CRACD: variants seen among roughly 807,000 people sequenced by gnomAD.
CRACD encodes the protein capping protein-inhibiting regulator of actin dynamics.
A neutral mutation model predicts 106.8 loss-of-function variants in CRACD; 56 were observed. That is an observed-to-expected ratio of 0.52 (90% CI 0.42 to 0.66). The LOEUF is 0.66. Among genes scored for constraint, CRACD ranks in the 30% least tolerant of loss-of-function variants. The pLI, the probability that CRACD is intolerant of heterozygous loss-of-function variation, is 0.00. For missense variants in CRACD, 1,730 were observed against 1,623.2 expected, an observed-to-expected ratio of 1.07 and a Z score of -1.13; for synonymous variants, 754 against 670.8, an observed-to-expected ratio of 1.12 and a Z score of -1.92.
chr4:56,244,452 C>T (rs188332827), intron 2 of CRACD, among the ~76,000 whole-genome samples: 103 of 152,230 alleles, frequency 6.8e-4, no homozygotes, highest in African/African-American at 1.8e-3. Flanking sequence ...GAGGTACCTA[C>T]GGACATCCAA....
intron 1 of CRACD, among the ~76,000 whole-genome samples, chr4:56,078,721 A>T (rs764124099): frequency 6.6e-6 from 1 of 152,166 alleles, no homozygotes; most frequent in East Asian, 1.9e-4. Flanking sequence ...GGGCACCTTT[A>T]TTCATAAACA....
At chr4:56,320,068 A>C (rs1005010283) in intron 8 of CRACD, among the ~76,000 whole-genome samples, 2 of 150,960 alleles carry the variant, frequency 1.3e-5, no homozygotes, top group Non-Finnish European at 3.0e-5. Flanking sequence ...AGCTACTCAG[A>C]GGCTGAGGCA....
intron 1 of CRACD, among the ~76,000 whole-genome samples, chr4:56,135,030 TC>T (rs1476909578): frequency 2.0e-5 from 3 of 152,082 alleles, no homozygotes; most frequent in Non-Finnish European, 4.4e-5. Flanking sequence ...ACGCCTGTAA[TC>T]CCAGCTCTTT....
intron 3 of CRACD, among the ~76,000 whole-genome samples, chr4:56,285,597 G>A (rs951756872): frequency 3.9e-5 from 6 of 151,970 alleles, no homozygotes; most frequent in East Asian, 1.9e-4. Flanking sequence ...GGGCCACCAC[G>A]CCCCATGAAT....
At chr4:56,313,173 T>C (rs750765486) in intron 6 of CRACD, 24 bp from the exon 7 acceptor site, 4 of 1,600,134 alleles carry the variant, frequency 2.5e-6, no homozygotes, top group African/African-American at 1.3e-5. Flanking sequence ...CCCAACTGAC[T>C]TTCTATTTTA....
intron 3 of CRACD, among the ~76,000 whole-genome samples, chr4:56,295,325 T>C (rs545922680): frequency 2.6e-5 from 4 of 152,130 alleles, no homozygotes; most frequent in Non-Finnish European, 5.9e-5. Flanking sequence ...GCAAGATACA[T>C]CACAAGTGTC....
intron 1 of CRACD, among the ~76,000 whole-genome samples, chr4:56,053,102 C>T (rs546949388): frequency 6.5e-4 from 99 of 152,244 alleles, no homozygotes; most frequent in African/African-American, 2.2e-3. Flanking sequence ...TTTAATATAT[C>T]TTCCTAAGAG....
intron 1 of CRACD, among the ~76,000 whole-genome samples, chr4:56,099,076 C>G (rs147416328): frequency 0.028 from 4,257 of 152,244 alleles, 66 homozygotes; most frequent in Admixed American, 0.058. Flanking sequence ...AGTGACCATT[C>G]ATTGAGGAAC....
intron 2 of CRACD, among the ~76,000 whole-genome samples, chr4:56,183,466 G>A (rs1393147290): frequency 1.3e-5 from 2 of 152,268 alleles, no homozygotes; most frequent in Middle Eastern, 3.4e-3. Flanking sequence ...GCGAGAAAAG[G>A]AAGGCTACAC....
At chr4:56,253,314 G>A (rs369981895) in intron 2 of CRACD, among the ~76,000 whole-genome samples, 7 of 152,148 alleles carry the variant, frequency 4.6e-5, no homozygotes, top group South Asian at 2.1e-4. Flanking sequence ...AATTGATAAC[G>A]TTATAAGTTT....
At chr4:56,322,900 G>T (rs144778758) in intron 8 of CRACD, among the ~76,000 whole-genome samples, 13 of 152,238 alleles carry the variant, frequency 8.5e-5, no homozygotes, top group African/African-American at 3.1e-4. Flanking sequence ...GTGGTTGCAG[G>T]CGCCTGTAGT....
chr4:56,251,468 A>G (rs2109588861), intron 2 of CRACD, among the ~76,000 whole-genome samples: 1 of 152,342 alleles, frequency 6.6e-6, no homozygotes, highest in South Asian at 2.1e-4. Flanking sequence ...AGAATTTTAT[A>G]TTGAAAGTGA....
chr4:56,255,818 G>C (rs368065049), intron 2 of CRACD, among the ~76,000 whole-genome samples: 1 of 152,144 alleles, frequency 6.6e-6, no homozygotes, highest in Non-Finnish European at 1.5e-5. Flanking sequence ...TGGAGGCAAC[G>C]TATTTCTCAT....
intron 2 of CRACD, among the ~76,000 whole-genome samples, chr4:56,202,461 G>A (rs1002506666): frequency 2.6e-5 from 4 of 152,152 alleles, no homozygotes; most frequent in Admixed American, 2.6e-4. Flanking sequence ...TGGCCAGGCT[G>A]GTCTCGAACA....
intron 2 of CRACD, among the ~76,000 whole-genome samples, chr4:56,246,043 GA>G (rs1238791556): frequency 6.6e-6 from 1 of 152,172 alleles, no homozygotes; most frequent in Non-Finnish European, 1.5e-5. Flanking sequence ...GGATGGGCAG[GA>G]GGCATTGGCC....
At chr4:56,201,259 G>A (rs2045984) in intron 2 of CRACD, among the ~76,000 whole-genome samples, 42,704 of 152,048 alleles carry the variant, frequency 0.28, 6,283 homozygotes, top group Middle Eastern at 0.33. Flanking sequence ...CTATGTATGC[G>A]GTGATGTGAT....
intron 1 of CRACD, among the ~76,000 whole-genome samples, chr4:56,064,903 C>T (rs778505471): frequency 8.5e-5 from 13 of 152,074 alleles, no homozygotes; most frequent in East Asian, 1.9e-4. Context: ...TGGACATGGA[C>T]GGGTCCCAAA....
At chr4:56,135,200 G>A (rs11946097) in intron 1 of CRACD, among the ~76,000 whole-genome samples, 32,652 of 152,084 alleles carry the variant, frequency 0.21, 3,794 homozygotes, top group East Asian at 0.45. Flanking sequence ...GCAGAGAATT[G>A]CTTAAACCTG....
rs1476530777 is a variant in CRACD, at chr4:56,091,445, A to G, written c.-336+42146A>G. On this transcript the variant is annotated intron_variant, in intron 1 of 10. Coordinates refer to ENST00000682029, the MANE Select transcript of CRACD (RefSeq NM_001393381.1). Reference sequence around the variant, plus strand: ...AGGAATCAGGGAACACCACTTGCAAAATATTTTTACAGCAGTGCTGTAATT... The same window carrying G: ...AGGAATCAGGGAACACCACTTGCAAGATATTTTTACAGCAGTGCTGTAATT... 2.0e-5 allele frequency among the ~76,000 whole-genome samples: 3 copies of G among 152,006 alleles called. No homozygotes were observed. In the South Asian group the frequency reaches 6.2e-4, roughly 32 times the overall value.
Sources: gnomAD v4.1 joint callset for allele counts (sites outside exome capture counted in the v4.1 genomes callset) on GRCh38, gnomAD v4.1.1 for gene constraint, MANE v1.5 for transcripts, NCBI Gene and HGNC (gene_info 2026-07-23, HGNC 2026-07-21) for gene names.